Variants in COX20 observed in about 807,000 individuals in gnomAD.
COX20 encodes cytochrome c oxidase assembly protein COX20, mitochondrial.
A neutral mutation model predicts 14.3 loss-of-function variants in COX20; 14 were observed. The observed-to-expected ratio is 0.98, with a 90% confidence interval of 0.65 to 1.53. The LOEUF (loss-of-function observed/expected upper bound fraction) is 1.53. Ranked by LOEUF, COX20 falls within the 40% of genes most tolerant of loss-of-function variation. The probability of loss-of-function intolerance (pLI) is 0.00; values close to 1 mark genes in which losing one functional copy is unlikely to be tolerated. For missense variants in COX20, 149 were observed against 142.1 expected (o/e 1.05, Z -0.25); for synonymous variants, 56 against 51.7 (o/e 1.08, Z -0.36).
At chr1:244,837,866 G>A (rs765041552) in intron 1 of COX20, among the ~76,000 whole-genome samples, 1 of 152,200 alleles carries the variant, frequency 6.6e-6, no homozygotes, top group Non-Finnish European at 1.5e-5. Flanking sequence ...ATGGGATCAT[G>A]TAGGGCCTTT....
At chr1:244,839,688 CCT>C (rs1680118164) in intron 1 of COX20, 1 of 152,094 alleles carries the variant, frequency 6.6e-6, no homozygotes, top group South Asian at 2.1e-4. Flanking sequence ...GCATATTCTT[CCT>C]GTTTTGATAG....
chr1:244,838,965 CT>C (rs1039174098), intron 1 of COX20, among the ~76,000 whole-genome samples: 3 of 152,010 alleles, frequency 2.0e-5, no homozygotes, highest in Non-Finnish European at 4.4e-5. Flanking sequence ...AATTTTTGTA[CT>C]TTTAGTAGAG....
chr1:244,838,013 G>A (rs1680050434), intron 1 of COX20, among the ~76,000 whole-genome samples: 1 of 152,084 alleles, frequency 6.6e-6, no homozygotes, highest in Admixed American at 6.6e-5. Flanking sequence ...GACAGGTTGA[G>A]CTTCCCAATT....
upstream of COX20, chr1:244,835,554 T>TGCGGA (rs879837030): frequency 1.2e-4 from 54 of 449,022 alleles, no homozygotes; most frequent in Non-Finnish European, 1.8e-4. Flanking sequence ...GTGCGGCCAC[T>TGCGGA]GCGGAGCGTT....
rs1679946414 is a variant in COX20 at position 244,835,662 on chromosome 1, C to G, written c.-53C>G. 8.1e-7 allele frequency: 1 copy of G among 1,229,606 alleles called. No individual in the cohort carries two copies. The highest frequency in any genetic ancestry group is 4.2e-5 in the Admixed American group (1 of 23,692). The allele number at this position is 1,229,606 out of a possible 1,614,324, so 76.2% of individuals were successfully genotyped here. A position where few individuals can be genotyped will look rare whatever the true frequency, so the allele number is the denominator to read the frequency against. ...GGGAGGGGCGCGGCCAGCCGGGCTTCTGCTTCCGCGACCCCGGCGGTGCAG... is the reference window on the plus strand; with the variant it reads ...GGGAGGGGCGCGGCCAGCCGGGCTTGTGCTTCCGCGACCCCGGCGGTGCAG... On this transcript the variant is annotated 5_prime_UTR_variant, in exon 1 of 4. Transcript: ENST00000411948.
chr1:244,844,467 A>T lies in COX20; in HGVS notation c.*1291A>T, dbSNP rs1486455834. 1.3e-5 allele frequency: 2 copies of T among 152,240 alleles called. No homozygotes were observed. Among genetic ancestry groups the T allele is most frequent in the African/African-American group, 4.8e-5 (2 of 41,472 alleles). The allele number at this position is 152,240 out of a possible 1,614,324, so 9.4% of individuals were successfully genotyped here. On this transcript the variant is annotated 3_prime_UTR_variant, in exon 4 of 4. Transcript: ENST00000411948. ...CCAAATTAGTCGTAACCAAATAGTT[A>T]AAAAATTCTGCTGGGCACGGTGGCT...
Position 244,835,734 on chromosome 1 carries a change from C to T in COX20, c.20C>T (p.Pro7Leu), listed in dbSNP as rs990876255. 6 of 1,273,024 alleles carry T rather than the reference C, an allele frequency of 4.7e-6. No individual in the cohort carries two copies. The highest frequency in any genetic ancestry group is 5.2e-4 in the Middle Eastern group (2 of 3,862). The allele number at this position is 1,273,024 out of a possible 1,614,324, so 78.9% of individuals were successfully genotyped here. ...GTCCTCATGGCCGCCCCGCCGGAGCCCGGTGAGCCCGAGGAGAGGAAGGTA... is the reference window on the plus strand; with the variant it reads ...GTCCTCATGGCCGCCCCGCCGGAGCTCGGTGAGCCCGAGGAGAGGAAGGTA... The part of the protein sequence containing the change: MAAPPE[P>L]GEPEERKSLK... Residue 7 changes from proline (P) to leucine (L), a missense_variant, in exon 1 of 4, where the codon CCC becomes CTC. Pro to Leu is a moderately conservative substitution (Grantham distance 98). Coordinates refer to ENST00000411948, the MANE Select transcript of COX20 (RefSeq NM_198076.6).
intron 1 of COX20, among the ~76,000 whole-genome samples, chr1:244,839,187 C>A: frequency 6.6e-6 from 1 of 151,766 alleles, no homozygotes; most frequent in South Asian, 2.1e-4. Flanking sequence ...AGAGGGGAAT[C>A]AAGTGCCCAA....
At chr1:244,840,363 C>G (rs1303471569) in intron 1 of COX20, 1 of 152,386 alleles carries the variant, frequency 6.6e-6, no homozygotes. Context: ...TACTAATCCT[C>G]TGGCCCCAGC....
In COX20 at chr1:244,835,666, T is replaced by C; in HGVS notation, c.-49T>C. ...GGGGCGCGGCCAGCCGGGCTTCTGC[T>C]TCCGCGACCCCGGCGGTGCAGGGCG... On this transcript the variant is annotated 5_prime_UTR_variant, in exon 1 of 4. Transcript: ENST00000411948. 8.1e-7 allele frequency: 1 copy of C among 1,233,246 alleles called. No homozygotes were observed. Among genetic ancestry groups the C allele is most frequent in the Non-Finnish European group, 1.0e-6 (1 of 986,576 alleles). The allele number at this position is 1,233,246 out of a possible 1,614,324, so 76.4% of individuals were successfully genotyped here.
upstream of COX20, chr1:244,835,549 G>A (rs919788190): frequency 7.0e-6 from 3 of 427,448 alleles, no homozygotes; most frequent in Non-Finnish European, 1.2e-5. Flanking sequence ...GCCCCGTGCG[G>A]CCACTGCGGA....
intron 3 of COX20, 90 bp from the exon 4 acceptor site, chr1:244,842,951 A>G: frequency 9.9e-7 from 1 of 1,005,662 alleles, no homozygotes. Context: ...AGTCATCTGT[A>G]TTTAAGTTTT....
At chr1:244,835,362 G>A (rs1394743803), upstream of COX20, 1 of 245,158 alleles carries the variant, frequency 4.1e-6, no homozygotes. Flanking sequence ...GGCGGAGCAG[G>A]GGGCTGGCGC....
At chr1:244,835,377 A>C, upstream of COX20, 13 of 254,112 alleles carry the variant, frequency 5.1e-5, no homozygotes, top group East Asian at 6.8e-5. Flanking sequence ...TGGCGCGGGA[A>C]GCGGGGCTGT....
intron 1 of COX20, chr1:244,839,964 T>C (rs999967807): frequency 1.3e-5 from 2 of 152,228 alleles, no homozygotes; most frequent in African/African-American, 4.8e-5. Flanking sequence ...AGCCTGGCAC[T>C]AATACCTACC....
intron 1 of COX20, 89 bp from the exon 2 acceptor site, chr1:244,841,855 G>A: frequency 1.3e-6 from 1 of 757,328 alleles, no homozygotes; most frequent in Non-Finnish European, 2.2e-6. Flanking sequence ...TCAACTACAA[G>A]AAAAGAAATG....
At chr1:244,835,891 C>G (rs1222387417) in intron 1 of COX20, 135 bp downstream of exon 1, 1 of 641,532 alleles carries the variant, frequency 1.6e-6, no homozygotes, top group Non-Finnish European at 2.2e-6. Flanking sequence ...TTAACTGTTC[C>G]TAGTCCTTAT....
Position 244,843,154 on chromosome 1 carries a change from A to G in COX20, c.335A>G (p.His112Arg), listed in dbSNP as rs757549228. The change falls in exon 4 of 4, where the codon CAC becomes CGC. Residue 112 changes from histidine to arginine, a missense_variant. Coordinates refer to ENST00000411948, the MANE Select transcript of COX20 (RefSeq NM_198076.6). ...EGTHLDPERKHNGSSSN is the reference protein window; with the variant it reads ...EGTHLDPERKRNGSSSN ...ACCCACCTCGATCCTGAAAGAAAACACAACGGCAGCAGCAGCAATTGAACA... is the reference window on the plus strand; with the variant it reads ...ACCCACCTCGATCCTGAAAGAAAACGCAACGGCAGCAGCAGCAATTGAACA... The G allele has an allele frequency of 2.8e-5, 44 of 1,591,358 alleles. No homozygotes were observed. The highest frequency in any genetic ancestry group is 8.5e-7 in the Non-Finnish European group (1 of 1,173,924).
upstream of COX20, chr1:244,835,496 G>C (rs1363402899): frequency 7.7e-6 from 3 of 387,808 alleles, no homozygotes; most frequent in East Asian, 7.4e-5. Flanking sequence ...GAGCTTGGAA[G>C]AAAGTGTGAC....
Sources: allele counts gnomAD v4.1 joint callset (sites outside exome capture counted in the v4.1 genomes callset), GRCh38; gene constraint gnomAD v4.1.1; transcripts MANE v1.5; gene names NCBI Gene and HGNC (gene_info 2026-07-23, HGNC 2026-07-21).